ADAM12: variants seen among roughly 807,000 people sequenced by gnomAD.
The protein encoded by ADAM12 is disintegrin and metalloproteinase domain-containing protein 12.
In ADAM12, 70 loss-of-function variants were observed where a neutral mutation model predicts 106.4. The ratio of observed to expected loss-of-function variants is 0.66; its 90% CI spans 0.54 to 0.80. The LOEUF is 0.80. Among genes scored for constraint, ADAM12 ranks in the 30% least tolerant of loss-of-function variants. The pLI is 0.00. For missense variants in ADAM12, 1,010 were observed against 1,171.9 expected, an observed-to-expected ratio of 0.86 and a Z score of 2.02; for synonymous variants, 420 against 433.5, an observed-to-expected ratio of 0.97 and a Z score of 0.39.
chr10:126,025,795 C>G (rs916798585), intron 21 of ADAM12, among the ~76,000 whole-genome samples: 2 of 152,184 alleles, frequency 1.3e-5, no homozygotes, highest in African/African-American at 4.8e-5. Flanking sequence ...CATTCAAATT[C>G]AGGAAATCCA....
intron 2 of ADAM12, among the ~76,000 whole-genome samples, chr10:126,319,355 G>A (rs1272118887): frequency 2.0e-5 from 3 of 152,150 alleles, no homozygotes; most frequent in Non-Finnish European, 4.4e-5. Flanking sequence ...TCAGCCAGGT[G>A]CTGAAGCACC....
chr10:126,134,833 A>G (rs2133675801), intron 5 of ADAM12, among the ~76,000 whole-genome samples: 1 of 152,354 alleles, frequency 6.6e-6, no homozygotes, highest in East Asian at 1.9e-4. Context: ...CCTCCCATGG[A>G]ATCATGCTTT....
At position 126,118,141 on chromosome 10, in the gene ADAM12, T is replaced by C. The variant is rs112264074; in HGVS notation, c.500A>G (p.Lys167Arg). The C allele has an allele frequency of 7.0e-4, 1,124 of 1,614,154 alleles. 8 individuals are homozygous for C. In the African/African-American group the frequency reaches 0.012, roughly 18 times the overall value. The change falls in exon 6 of 23, where the codon AAG becomes AGG. Residue 167 changes from lysine to arginine, a missense_variant. Physicochemically the swap from Lys to Arg is conservative, Grantham distance 26. Coordinates refer to ENST00000448723, the MANE Select transcript of ADAM12 (RefSeq NM_001288973.2). Reference sequence around the variant, plus strand: ...TGATCCCCGGACGCTTTTCAGCTTCTTCGCTGGGAAGAGTTTGTATCTGTT... The same window carrying C: ...TGATCCCCGGACGCTTTTCAGCTTCCTCGCTGGGAAGAGTTTGTATCTGTT... ...ATNRYKLFPA[K>R]KLKSVRGSCG...
Position 126,087,822 on chromosome 10 carries a change from T to C in ADAM12, c.1145+6163A>G, listed in dbSNP as rs544433345. On this transcript the variant is annotated intron_variant, in intron 11 of 22. Transcript: ENST00000448723. ...TTCCAAAGCCCTTGGGGGATTTTTT[T>C]CACTGAAAATTGCAGTTCATTTTAC... Among the ~76,000 whole-genome samples, 52 of 152,318 alleles carry C rather than the reference T, an allele frequency of 3.4e-4. No homozygotes were observed. The South Asian group carries it at 4.6e-3, about 13-fold the overall frequency.
intron 3 of ADAM12, among the ~76,000 whole-genome samples, chr10:126,182,503 C>G (rs1957331089): frequency 6.6e-6 from 1 of 152,066 alleles, no homozygotes; most frequent in Non-Finnish European, 1.5e-5. Flanking sequence ...TCAAAGTATC[C>G]TTTGTAGACA....
At chr10:126,370,556 G>A (rs1011028813) in intron 1 of ADAM12, among the ~76,000 whole-genome samples, 2 of 152,180 alleles carry the variant, frequency 1.3e-5, no homozygotes, top group Non-Finnish European at 2.9e-5. Context: ...CTCCAGTCCT[G>A]TTTTTCCTGC....
chr10:126,120,857 A>G lies in ADAM12; in HGVS notation c.417-2633T>C, dbSNP rs1590442875. ...ATGTAAATGGAATGAGGTTTAGGGC[A>G]TTAGTTCTAATATATAATAATACAC... is the stretch of plus-strand genomic sequence containing the variant. On this transcript the variant is annotated intron_variant, in intron 5 of 22. Coordinates refer to ENST00000448723, the MANE Select transcript of ADAM12 (RefSeq NM_001288973.2). Among the ~76,000 whole-genome samples, 4 of 144,572 alleles carry G rather than the reference A, an allele frequency of 2.8e-5. No homozygotes were observed. The East Asian group carries it at 7.8e-4, about 28-fold the overall frequency. 94.8% of individuals were successfully genotyped at this position (144,572 alleles called of 152,430 possible). A position where few individuals can be genotyped will look rare whatever the true frequency, so the allele number is the denominator to read the frequency against.
chr10:126,046,378 A>AT (rs943118149), intron 16 of ADAM12, among the ~76,000 whole-genome samples: 7 of 152,126 alleles, frequency 4.6e-5, no homozygotes, highest in African/African-American at 1.7e-4. Context: ...CTATTAAATT[A>AT]TTTTGCATTT....
intron 3 of ADAM12, among the ~76,000 whole-genome samples, chr10:126,166,501 G>GTTTTTTA (rs1284112556): frequency 1.3e-5 from 2 of 151,568 alleles, no homozygotes; most frequent in Non-Finnish European, 2.9e-5. Context: ...CTTTTTTTTT[G>GTTTTTTA]TTTTTTGTTT....
chr10:126,051,532 GCCAC>G (rs1370341147), intron 14 of ADAM12, among the ~76,000 whole-genome samples: 15 of 98,858 alleles, frequency 1.5e-4, no homozygotes, highest in African/African-American at 3.8e-4. Flanking sequence ...CAGCCAGCCA[GCCAC>G]CCATCCATCC....
At chr10:126,340,895 T>C (rs919665191) in intron 1 of ADAM12, among the ~76,000 whole-genome samples, 1 of 152,058 alleles carries the variant, frequency 6.6e-6, no homozygotes, top group Non-Finnish European at 1.5e-5. Flanking sequence ...TTTTGTATTT[T>C]TGGTAGAGAC....
chr10:126,211,048 G>A (rs1957892158), intron 3 of ADAM12, among the ~76,000 whole-genome samples: 1 of 152,158 alleles, frequency 6.6e-6, no homozygotes, highest in Non-Finnish European at 1.5e-5. Context: ...CTTACACTGT[G>A]GTGTAAGGAG....
intron 18 of ADAM12, among the ~76,000 whole-genome samples, chr10:126,041,059 A>G (rs1182282555): frequency 6.6e-6 from 1 of 151,926 alleles, no homozygotes; most frequent in Non-Finnish European, 1.5e-5. Flanking sequence ...TCAGACCTCA[A>G]CAGATGCAGG....
intron 3 of ADAM12, among the ~76,000 whole-genome samples, chr10:126,238,250 CAGG>C (rs1565159016): frequency 2.4e-4 from 36 of 152,286 alleles, no homozygotes; most frequent in African/African-American, 8.7e-4. Flanking sequence ...GAGGCCAAGG[CAGG>C]TGGATCACCT....
chr10:126,215,018 C>T lies in ADAM12; in HGVS notation c.261-59713G>A, dbSNP rs1957962997. Among the ~76,000 whole-genome samples, 3 of 152,192 alleles carry T rather than the reference C, an allele frequency of 2.0e-5. No individual in the cohort carries two copies. In the South Asian group the frequency reaches 6.2e-4, roughly 31 times the overall value. On this transcript the variant is annotated intron_variant, in intron 3 of 22. Transcript: ENST00000448723. Reference sequence around the variant, plus strand: ...AAGCCTTCTCTGACACCCATTTTCCCATGGCACCTGGTCCAAGCCCCTGGG... The same window carrying T: ...AAGCCTTCTCTGACACCCATTTTCCTATGGCACCTGGTCCAAGCCCCTGGG...
chr10:126,217,976 CAA>C (rs35149158), intron 3 of ADAM12, among the ~76,000 whole-genome samples: 16 of 107,610 alleles, frequency 1.5e-4, no homozygotes, highest in East Asian at 2.5e-4. Context: ...CTCTGTCTCT[CAA>C]AAAAAAAAAA....
chr10:126,364,335 T>A (rs775959342), intron 1 of ADAM12, among the ~76,000 whole-genome samples: 7 of 139,422 alleles, frequency 5.0e-5, no homozygotes, highest in Non-Finnish European at 9.7e-5. Context: ...GACACTGCAA[T>A]AAAGCAATAA....
rs150946558 is a variant in ADAM12, at chr10:126,173,048, T to C, written c.261-17743A>G. ...ACATGTTCTCACTCATAAGTGGGAG[T>C]TGAACAATGAGAACACATGGACATA... On this transcript the variant is annotated intron_variant, in intron 3 of 22. Transcript: ENST00000448723. Among the ~76,000 whole-genome samples the C allele has an allele frequency of 7.5e-3, 1,138 of 151,724 alleles. 13 individuals are homozygous for C. Among genetic ancestry groups the C allele is most frequent in the Non-Finnish European group, 8.8e-3 (600 of 67,918 alleles).
chr10:126,086,692 T>TATATATATATATATATATAC (rs1484769998), intron 11 of ADAM12, among the ~76,000 whole-genome samples: 7 of 69,056 alleles, frequency 1.0e-4, no homozygotes, highest in African/African-American at 5.1e-4. Flanking sequence ...TATATATATA[T>TATATATATATATATATATAC]ATATATATAT....
Sources: gnomAD v4.1 joint callset for allele counts (sites outside exome capture counted in the v4.1 genomes callset) on GRCh38, gnomAD v4.1.1 for gene constraint, MANE v1.5 for transcripts, NCBI Gene and HGNC (gene_info 2026-07-23, HGNC 2026-07-21) for gene names.